ARID4A: variants seen among roughly 807,000 people sequenced by gnomAD.
ARID4A encodes the protein AT-rich interactive domain-containing protein 4A.
Under a neutral mutation model 148.6 loss-of-function variants are expected in ARID4A, and 39 were observed. The ratio of observed to expected loss-of-function variants is 0.26; its 90% CI spans 0.20 to 0.34. ARID4A has a LOEUF of 0.34. Among genes scored for constraint, ARID4A ranks in the 10% least tolerant of loss-of-function variants. The pLI is 1.00. For synonymous variants in ARID4A, 475 were observed against 481.2 expected (o/e 0.99, Z 0.17); for missense variants, 1,265 against 1,449.1 (o/e 0.87, Z 2.06).
intron 23 of ARID4A, among the ~76,000 whole-genome samples, chr14:58,367,402 T>A (rs1380715343): frequency 6.6e-6 from 1 of 152,266 alleles, no homozygotes; most frequent in Non-Finnish European, 1.5e-5. Flanking sequence ...GGAGATTATC[T>A]TGTTGGGATT....
chr14:58,299,762 G>A (rs1459473957), intron 1 of ARID4A, 36 bp from the exon 2 acceptor site: 1 of 1,574,506 alleles, frequency 6.4e-7, no homozygotes, highest in Non-Finnish European at 8.7e-7. Context: ...GCAGTTGACT[G>A]ATTATGTCTG....
rs1298015057 is a variant in ARID4A at position 58,364,940 on chromosome 14, C to G, written c.2851C>G (p.Leu951Val). ...PLKEDEDAMP[L>V]IGPETLVCHE... Reference sequence around the variant, plus strand: ...AAAAGAAGATGAGGATGCAATGCCTCTGATCGGGCCTGAAACCTTGGTTTG... The same window carrying G: ...AAAAGAAGATGAGGATGCAATGCCTGTGATCGGGCCTGAAACCTTGGTTTG... Residue 951 changes from leucine to valine, a missense_variant, in exon 20 of 24, where the codon CTG becomes GTG. Leu to Val is a conservative substitution (Grantham distance 32). Transcript: ENST00000355431. 1 of 1,614,106 alleles carries G rather than the reference C, an allele frequency of 6.2e-7. No homozygotes were observed. The highest frequency in any genetic ancestry group is 8.5e-7 in the Non-Finnish European group (1 of 1,179,994).
intron 23 of ARID4A, among the ~76,000 whole-genome samples, chr14:58,371,227 A>C (rs952788538): frequency 3.3e-5 from 5 of 152,172 alleles, no homozygotes; most frequent in African/African-American, 7.2e-5. Context: ...ATGATACTTG[A>C]ATAAACAAAA....
At chr14:58,360,874 C>T (rs750547154) in intron 18 of ARID4A, 27 bp from the exon 19 acceptor site, 11 of 1,609,200 alleles carry the variant, frequency 6.8e-6, no homozygotes, top group Non-Finnish European at 9.3e-6. Context: ...ATTGGCCCTT[C>T]TCATACATTT....
chr14:58,302,282 T>C (rs887461553), intron 3 of ARID4A, among the ~76,000 whole-genome samples: 4 of 151,942 alleles, frequency 2.6e-5, no homozygotes, highest in Admixed American at 2.0e-4. Context: ...TCACCTGAGG[T>C]CAGGAGTTCG....
chr14:58,331,848 G>T (rs771221138), intron 11 of ARID4A, among the ~76,000 whole-genome samples: 1 of 152,014 alleles, frequency 6.6e-6, no homozygotes. Flanking sequence ...CACATTTTCA[G>T]GGTGTGAACT....
At chr14:58,300,637 A>G (rs991095783) in intron 2 of ARID4A, among the ~76,000 whole-genome samples, 6 of 152,112 alleles carry the variant, frequency 3.9e-5, no homozygotes, top group South Asian at 4.2e-4. Context: ...GTGGTTTTCT[A>G]TTTTCTCGAA....
At chr14:58,371,771 T>C in intron 23 of ARID4A, 115 bp from the exon 24 acceptor site, 1 of 815,484 alleles carries the variant, frequency 1.2e-6, no homozygotes, top group Middle Eastern at 2.4e-4. Flanking sequence ...ATGTGACATA[T>C]AAGAGGCCTG....
rs761272837 is a variant in ARID4A, at chr14:58,344,817, C to T, written c.979+50C>T. ...AGTAGTCATTTCTTTTTCATGTTTA[C>T]ATTCTAGGTATATGCATTGTTTTTG... On this transcript the variant is annotated intron_variant, in intron 12 of 23. Coordinates refer to ENST00000355431, the MANE Select transcript of ARID4A (RefSeq NM_002892.4). The T allele has an allele frequency of 1.1e-5, 15 of 1,352,320 alleles. No individual in the cohort carries two copies. The African/African-American group carries it at 2.0e-4, about 18-fold the overall frequency. The allele number at this position is 1,352,320 out of a possible 1,614,324, so 83.8% of individuals were successfully genotyped here. A position where few individuals can be genotyped will look rare whatever the true frequency, so the allele number is the denominator to read the frequency against.
intron 5 of ARID4A, among the ~76,000 whole-genome samples, chr14:58,310,091 C>G (rs1031837379): frequency 6.6e-6 from 1 of 152,092 alleles, no homozygotes. Flanking sequence ...AGTGTTTAAT[C>G]CTATCATAGG....
rs192291045 is a variant in ARID4A, at chr14:58,346,354, A to G, written c.980-57A>G. On this transcript the variant is annotated intron_variant, in intron 12 of 23. Coordinates refer to ENST00000355431, the MANE Select transcript of ARID4A (RefSeq NM_002892.4). ...ATTAGAAATTGACCGCTTTGTTTTC[A>G]AATTAGTATTTCTCATTTGAATAAA... is the stretch of plus-strand genomic sequence containing the variant. The G allele has an allele frequency of 5.4e-5, 69 of 1,288,248 alleles. No homozygotes were observed. In the African/African-American group the frequency reaches 9.6e-4, roughly 18 times the overall value. 79.8% of individuals were successfully genotyped at this position (1,288,248 alleles called of 1,614,324 possible). A position where few individuals can be genotyped will look rare whatever the true frequency, so the allele number is the denominator to read the frequency against.
intron 17 of ARID4A, among the ~76,000 whole-genome samples, chr14:58,354,272 T>A (rs2034769848): frequency 6.6e-6 from 1 of 152,216 alleles, no homozygotes; most frequent in African/African-American, 2.4e-5. Flanking sequence ...TGCAAGTGTT[T>A]GTTTCATTAA....
rs545489004 is a variant in ARID4A, at chr14:58,317,905, G to A, written c.275-637G>A. On this transcript the variant is annotated intron_variant, in intron 5 of 23. Coordinates refer to ENST00000355431, the MANE Select transcript of ARID4A (RefSeq NM_002892.4). ...TCCGAGCACTTTCGGAGGCTTAGGC[G>A]GGAGGATAATTTGAGGCCAGGAGTT... Among the ~76,000 whole-genome samples the A allele has an allele frequency of 2.0e-4, 30 of 151,816 alleles. No individual in the cohort carries two copies. The South Asian group carries it at 4.8e-3, about 24-fold the overall frequency.
chr14:58,318,966 C>G (rs893104342), intron 7 of ARID4A, among the ~76,000 whole-genome samples, 161 bp downstream of exon 7: 1 of 152,204 alleles, frequency 6.6e-6, no homozygotes, highest in Non-Finnish European at 1.5e-5. Context: ...CTTAATTATT[C>G]CCAATATTTG....
intron 4 of ARID4A, among the ~76,000 whole-genome samples, chr14:58,305,589 A>G (rs988142748): frequency 6.6e-6 from 1 of 152,184 alleles, no homozygotes; most frequent in Non-Finnish European, 1.5e-5. Flanking sequence ...AGGTACCTTA[A>G]ATACAAATGC....
rs1162383229 is a variant in ARID4A, at chr14:58,373,266, AT to A, written c.*1279del. 1 of 197,028 alleles carries A rather than the reference AT, an allele frequency of 5.1e-6. No individual in the cohort carries two copies. Among genetic ancestry groups the A allele is most frequent in the African/African-American group, 2.3e-5 (1 of 43,322 alleles). The allele number at this position is 197,028 out of a possible 1,614,324, so 12.2% of individuals were successfully genotyped here. On this transcript the variant is annotated 3_prime_UTR_variant, in exon 24 of 24. Transcript: ENST00000355431. ...GCAACTATGTATGCTTTGTCTGTGA[AT>A]TGTTCCACAGACTGATAGATTTTGT...
Position 58,351,174 on chromosome 14 carries a change from T to G in ARID4A, c.1506T>G (p.Asp502Glu), listed in dbSNP as rs372021421. Residue 502 changes from aspartate to glutamate, a missense_variant, in exon 16 of 24, where the codon GAT becomes GAG. Physicochemically the swap from Asp to Glu is conservative, Grantham distance 45. Coordinates refer to ENST00000355431, the MANE Select transcript of ARID4A (RefSeq NM_002892.4). ...AAGATAATGATACAGAAAATAAGGA[T>G]GTAGATGATGACTATGAAACTGCAG... Reference protein sequence around the residue: ...KLKDNDTENKDVDDDYETAEK... With the variant: ...KLKDNDTENKEVDDDYETAEK... The G allele has an allele frequency of 6.2e-7, 1 of 1,612,154 alleles. No individual in the cohort carries two copies. The highest frequency in any genetic ancestry group is 8.5e-7 in the Non-Finnish European group (1 of 1,179,652).
At chr14:58,311,065 G>A (rs1466664535) in intron 5 of ARID4A, among the ~76,000 whole-genome samples, 1 of 152,090 alleles carries the variant, frequency 6.6e-6, no homozygotes, top group Non-Finnish European at 1.5e-5. Flanking sequence ...GGCCAACATG[G>A]TGAAACCCCA....
intron 5 of ARID4A, among the ~76,000 whole-genome samples, chr14:58,307,652 T>C (rs1429027239): frequency 3.3e-5 from 5 of 152,162 alleles, no homozygotes; most frequent in African/African-American, 1.2e-4. Flanking sequence ...AAACCTTGTC[T>C]CTACTAAAAA....
Sources: allele counts gnomAD v4.1 joint callset (sites outside exome capture counted in the v4.1 genomes callset), GRCh38; gene constraint gnomAD v4.1.1; transcripts MANE v1.5; gene names NCBI Gene and HGNC (gene_info 2026-07-23, HGNC 2026-07-21).